COL10A1: variants seen among roughly 807,000 people sequenced by gnomAD.
COL10A1 encodes collagen type X alpha 1 chain.
COL10A1 carries 10 observed loss-of-function variants against 18.2 expected under a neutral mutation model. The ratio of observed to expected loss-of-function variants is 0.55; its 90% CI spans 0.34 to 0.93. COL10A1 has a LOEUF of 0.93. Ranked by LOEUF, COL10A1 falls within the 40% of genes least tolerant of loss-of-function variation. The pLI, the probability that COL10A1 is intolerant of heterozygous loss-of-function variation, is 0.02. For missense variants in COL10A1, 897 were observed against 853.5 expected (o/e 1.05, Z -0.64); for synonymous variants, 330 against 316.6 (o/e 1.04, Z -0.45).
the COL10A1 span, among the ~76,000 whole-genome samples, chr6:116,194,813 A>G: frequency 6.6e-6 from 1 of 152,082 alleles, no homozygotes; most frequent in South Asian, 2.1e-4. Context: ...GTATGGAGCT[A>G]GAACCTATTC....
At chr6:116,158,991 T>G (rs1381145458), upstream of COL10A1, among the ~76,000 whole-genome samples, 1 of 152,196 alleles carries the variant, frequency 6.6e-6, no homozygotes, top group African/African-American at 2.4e-5. Context: ...GCATGAATGC[T>G]TGCATTAGAA....
chr6:116,160,575 T>C (rs1268025384), upstream of COL10A1, among the ~76,000 whole-genome samples: 1 of 152,246 alleles, frequency 6.6e-6, no homozygotes, highest in African/African-American at 2.4e-5. Flanking sequence ...GTATATTGTC[T>C]ATTTGCTGTG....
chr6:116,183,251 T>C, the COL10A1 span, among the ~76,000 whole-genome samples: 7 of 152,010 alleles, frequency 4.6e-5, no homozygotes, highest in African/African-American at 7.2e-5. Flanking sequence ...TTTTATACCA[T>C]TACTGTGCTG....
chr6:116,152,408 G>GA (rs576268261), intron 1 of COL10A1, among the ~76,000 whole-genome samples: 25 of 151,042 alleles, frequency 1.7e-4, no homozygotes, highest in South Asian at 4.2e-4. Context: ...TCAAAAATAA[G>GA]AAAAAAAAAT....
At chr6:116,147,400 C>T (rs1225766413) in intron 1 of COL10A1, among the ~76,000 whole-genome samples, 1 of 151,602 alleles carries the variant, frequency 6.6e-6, no homozygotes, top group Non-Finnish European at 1.5e-5. Flanking sequence ...TGAGATCCTG[C>T]CATTGCACTC....
At chr6:116,126,669 C>T (rs915770126), upstream of COL10A1, among the ~76,000 whole-genome samples, 5 of 152,114 alleles carry the variant, frequency 3.3e-5, no homozygotes, top group Admixed American at 2.6e-4. Context: ...ATCCCTTATT[C>T]ACAACACTAC....
At chr6:116,207,580 TC>T in the COL10A1 span, among the ~76,000 whole-genome samples, 1 of 152,020 alleles carries the variant, frequency 6.6e-6, no homozygotes, top group Middle Eastern at 3.4e-3. Context: ...ATATGTTAAT[TC>T]TAAAAAATAC....
At chr6:116,163,139 A>ATATATAT (rs1329810394), upstream of COL10A1, among the ~76,000 whole-genome samples, 57 of 100,380 alleles carry the variant, frequency 5.7e-4, no homozygotes, top group East Asian at 2.7e-3. Context: ...AAAAAAAAAA[A>ATATATAT]AAATATATAT....
chr6:116,184,455 A>G, the COL10A1 span, among the ~76,000 whole-genome samples: 3,866 of 152,026 alleles, frequency 0.025, 69 homozygotes, highest in South Asian at 0.057. Context: ...AATAGTGTCA[A>G]TTGGATTGGT....
At chr6:116,137,848 G>A (rs574648521) in intron 1 of COL10A1, among the ~76,000 whole-genome samples, 2 of 152,280 alleles carry the variant, frequency 1.3e-5, no homozygotes, top group Non-Finnish European at 2.9e-5. Flanking sequence ...TTGGGAGGCC[G>A]AGGCAGACGA....
chr6:116,211,950 G>A, the COL10A1 span, among the ~76,000 whole-genome samples: 1 of 151,938 alleles, frequency 6.6e-6, no homozygotes, highest in South Asian at 2.1e-4. Context: ...TTTCATTCAC[G>A]CAGTGAGGCC....
upstream of COL10A1, among the ~76,000 whole-genome samples, chr6:116,160,633 A>G (rs939397007): frequency 3.3e-5 from 5 of 151,926 alleles, no homozygotes; most frequent in Admixed American, 6.6e-5. Context: ...ATTAAGTCCC[A>G]TTTGTCTACT....
rs1779102146 is a variant in COL10A1 at position 116,120,984 on chromosome 6, C to T, written c.1132G>A (p.Glu378Lys). 6.2e-7 allele frequency: 1 copy of T among 1,613,954 alleles called. No individual in the cohort carries two copies. Among genetic ancestry groups the T allele is most frequent in the Non-Finnish European group, 8.5e-7 (1 of 1,179,910 alleles). ...GPAGYPGAKGERGSPGSDGKP... is the reference protein window; with the variant it reads ...GPAGYPGAKGKRGSPGSDGKP... ...CCATCTGACCCAGGGGAACCCCTTT[C>T]ACCCTTAGCCCCAGGGTATCCTGCA... The change falls in exon 3 of 3, where the codon GAA becomes AAA. Residue 378 changes from glutamate (E) to lysine (K), a missense_variant. Coordinates refer to ENST00000651968, the MANE Select transcript of COL10A1 (RefSeq NM_000493.4).
the COL10A1 span, among the ~76,000 whole-genome samples, chr6:116,192,030 A>C: frequency 4.6e-5 from 7 of 152,082 alleles, no homozygotes; most frequent in African/African-American, 1.7e-4. Context: ...TCATCCAGTT[A>C]ATCTCCCGTT....
chr6:116,176,704 G>A, the COL10A1 span, among the ~76,000 whole-genome samples: 1 of 152,104 alleles, frequency 6.6e-6, no homozygotes, highest in Non-Finnish European at 1.5e-5. Context: ...TGGACTTGCT[G>A]CCCTTCCTCC....
At chr6:116,132,223 A>G (rs1169892461) in intron 1 of COL10A1, among the ~76,000 whole-genome samples, 1 of 152,148 alleles carries the variant, frequency 6.6e-6, no homozygotes, top group Non-Finnish European at 1.5e-5. Context: ...AGCATCACCA[A>G]CAGGATATGT....
At chr6:116,182,725 A>T in the COL10A1 span, among the ~76,000 whole-genome samples, 1 of 151,048 alleles carries the variant, frequency 6.6e-6, no homozygotes, top group African/African-American at 2.4e-5. Flanking sequence ...CCACTTTTTG[A>T]TGTGATTGTT....
chr6:116,187,979 A>T, the COL10A1 span, among the ~76,000 whole-genome samples: 1 of 152,076 alleles, frequency 6.6e-6, no homozygotes, highest in African/African-American at 2.4e-5. Flanking sequence ...ATCTAGTGTA[A>T]AAAAGACCTA....
chr6:116,178,749 C>T, the COL10A1 span, among the ~76,000 whole-genome samples: 1 of 152,168 alleles, frequency 6.6e-6, no homozygotes, highest in Non-Finnish European at 1.5e-5. Flanking sequence ...TTGATGCCTC[C>T]CAAAATGTGA....
Sources: allele counts gnomAD v4.1 joint callset (sites outside exome capture counted in the v4.1 genomes callset), GRCh38; gene constraint gnomAD v4.1.1; transcripts MANE v1.5; gene names NCBI Gene and HGNC (gene_info 2026-07-23, HGNC 2026-07-21).